The following PARD3 variants were observed in gnomAD, a reference collection of about 807,000 sequenced individuals.
PARD3 encodes the protein partitioning defective 3 homolog.
Under a neutral mutation model 155.4 loss-of-function variants are expected in PARD3, and 75 were observed. That is an observed-to-expected ratio of 0.48 (90% CI 0.40 to 0.58). PARD3 has a LOEUF of 0.58. PARD3 is among the 20% of genes least tolerant of loss of function. The probability of loss-of-function intolerance (pLI) is 0.00; values close to 1 mark genes in which losing one functional copy is unlikely to be tolerated. For synonymous variants in PARD3, 576 were observed against 610.5 expected, an observed-to-expected ratio of 0.94 and a Z score of 0.83; for missense variants, 1,642 against 1,721.7, an observed-to-expected ratio of 0.95 and a Z score of 0.82.
intron 1 of PARD3, among the ~76,000 whole-genome samples, chr10:34,781,944 T>C (rs575807134): frequency 1.3e-5 from 2 of 152,344 alleles, no homozygotes; most frequent in South Asian, 2.1e-4. Flanking sequence ...GTATAATTAA[T>C]GGATTTTCCC....
chr10:34,646,955 T>C (rs1383896437), intron 2 of PARD3, among the ~76,000 whole-genome samples: 1 of 152,216 alleles, frequency 6.6e-6, no homozygotes, highest in African/African-American at 2.4e-5. Flanking sequence ...TCCATATACC[T>C]CTGATGGTCT....
At chr10:34,440,906 T>A (rs1472222760) in intron 5 of PARD3, among the ~76,000 whole-genome samples, 1 of 151,732 alleles carries the variant, frequency 6.6e-6, no homozygotes, top group Non-Finnish European at 1.5e-5. Context: ...TTACATTTAA[T>A]CTTATTAAAA....
intron 1 of PARD3, among the ~76,000 whole-genome samples, chr10:34,778,277 G>C (rs144499144): frequency 0.017 from 2,563 of 152,270 alleles, 27 homozygotes; most frequent in Non-Finnish European, 0.029. Flanking sequence ...GGGGAAATAG[G>C]GAGGAAGGTT....
intron 1 of PARD3, among the ~76,000 whole-genome samples, chr10:34,760,769 C>T (rs1236066089): frequency 6.6e-6 from 1 of 152,140 alleles, no homozygotes; most frequent in African/African-American, 2.4e-5. Context: ...GAGTTGACAC[C>T]TCCTGTCAAC....
chr10:34,702,757 A>G (rs184750966), intron 1 of PARD3, among the ~76,000 whole-genome samples: 163 of 152,338 alleles, frequency 1.1e-3, no homozygotes, highest in Non-Finnish European at 1.9e-3. Flanking sequence ...GGCCCAGTCC[A>G]GGGACCACCC....
chr10:34,387,405 T>C (rs976993162), intron 7 of PARD3, among the ~76,000 whole-genome samples: 1 of 152,158 alleles, frequency 6.6e-6, no homozygotes, highest in Admixed American at 6.5e-5. Context: ...GTGTAACTTA[T>C]AAATCCTTTC....
chr10:34,682,695 C>T (rs1019874244), intron 2 of PARD3, among the ~76,000 whole-genome samples: 19 of 152,170 alleles, frequency 1.2e-4, no homozygotes, highest in African/African-American at 3.9e-4. Flanking sequence ...GCACTCCAGC[C>T]TGGGTGACAG....
chr10:34,119,602 C>A lies in PARD3; in HGVS notation c.3668+11G>T, dbSNP rs753607563. ...GGGGGGATCTGGAGGCTCGGCCAAG[C>A]GTCCTCATACCGAGGCAGAGAGCTG... On this transcript the variant is annotated intron_variant, in intron 24 of 24. Transcript: ENST00000374788. 2 of 1,587,016 alleles carry A rather than the reference C, an allele frequency of 1.3e-6. No individual in the cohort carries two copies. Among genetic ancestry groups the A allele is most frequent in the Non-Finnish European group, 1.7e-6 (2 of 1,161,132 alleles).
intron 1 of PARD3, among the ~76,000 whole-genome samples, chr10:34,785,535 C>T (rs901226868): frequency 3.3e-5 from 5 of 151,854 alleles, no homozygotes; most frequent in African/African-American, 1.2e-4. Context: ...TGCTTGAGCC[C>T]AAGAGTTAGA....
At chr10:34,261,725 AAAGGAAGGAAGAAAGGAAGAAAGG>A (rs1564527919) in intron 22 of PARD3, among the ~76,000 whole-genome samples, 4 of 107,938 alleles carry the variant, frequency 3.7e-5, no homozygotes, top group Admixed American at 8.6e-5. Flanking sequence ...AGAAAGGAAG[AAAGGAAGGAAGAAAGGAAGAAAGG>A]AAGGAAGAAA....
In PARD3 at chr10:34,512,045, G is replaced by T. The variant is rs1012233425; in HGVS notation, c.403+4934C>A. Reference sequence around the variant, plus strand: ...CACCTCCCAACACTGTTGTACTAGGGATTACATTTCCAACATGTAAATTTG... The same window carrying T: ...CACCTCCCAACACTGTTGTACTAGGTATTACATTTCCAACATGTAAATTTG... On this transcript the variant is annotated intron_variant, in intron 3 of 24. Coordinates refer to ENST00000374788, the MANE Select transcript of PARD3 (RefSeq NM_001184785.2). Among the ~76,000 whole-genome samples, 7 of 152,112 alleles carry T rather than the reference G, an allele frequency of 4.6e-5. No individual in the cohort carries two copies. In the South Asian group the frequency reaches 1.5e-3, roughly 32 times the overall value.
chr10:34,351,425 A>G (rs1203469220), intron 14 of PARD3, among the ~76,000 whole-genome samples: 1 of 152,236 alleles, frequency 6.6e-6, no homozygotes, highest in Non-Finnish European at 1.5e-5. Context: ...TGATGTTGAT[A>G]TTAAAAGACA....
intron 1 of PARD3, among the ~76,000 whole-genome samples, chr10:34,776,535 C>A (rs1839545262): frequency 6.6e-6 from 1 of 151,112 alleles, no homozygotes; most frequent in Non-Finnish European, 1.5e-5. Flanking sequence ...CCAGAATTAG[C>A]TGAAGTTCTT....
At chr10:34,508,577 C>T (rs1013687560) in intron 3 of PARD3, among the ~76,000 whole-genome samples, 5 of 152,070 alleles carry the variant, frequency 3.3e-5, no homozygotes, top group Non-Finnish European at 4.4e-5. Flanking sequence ...AAGTCATACA[C>T]AAAATATCAC....
chr10:34,235,706 T>A (rs1351631789), intron 22 of PARD3, among the ~76,000 whole-genome samples: 3 of 152,204 alleles, frequency 2.0e-5, no homozygotes, highest in Admixed American at 6.5e-5. Flanking sequence ...CCACTTGTGG[T>A]CTTACTGGTC....
At chr10:34,443,099 G>A (rs2076553468) in intron 5 of PARD3, among the ~76,000 whole-genome samples, 1 of 152,034 alleles carries the variant, frequency 6.6e-6, no homozygotes, top group Non-Finnish European at 1.5e-5. Context: ...AGGAACCACA[G>A]GTTGATCATC....
At chr10:34,436,047 A>G (rs1278084492) in intron 5 of PARD3, among the ~76,000 whole-genome samples, 2 of 152,236 alleles carry the variant, frequency 1.3e-5, no homozygotes, top group Admixed American at 6.5e-5. Context: ...CCAGTTGAAA[A>G]TATAAAAATA....
intron 2 of PARD3, among the ~76,000 whole-genome samples, chr10:34,563,229 G>C (rs1038480110): frequency 6.6e-6 from 1 of 151,978 alleles, no homozygotes; most frequent in Admixed American, 6.6e-5. Context: ...GTAATATTTT[G>C]AATGTGGGCA....
intron 5 of PARD3, among the ~76,000 whole-genome samples, chr10:34,434,240 T>A (rs543451665): frequency 8.1e-4 from 123 of 152,310 alleles, no homozygotes; most frequent in African/African-American, 2.8e-3. Context: ...GAATGCACCC[T>A]GGAAGCAGCT....
Sources: gnomAD v4.1 joint callset for allele counts (sites outside exome capture counted in the v4.1 genomes callset) on GRCh38, gnomAD v4.1.1 for gene constraint, MANE v1.5 for transcripts, NCBI Gene and HGNC (gene_info 2026-07-23, HGNC 2026-07-21) for gene names.